The following PDE7B variants were observed in gnomAD, a reference collection of about 807,000 sequenced individuals.
PDE7B encodes 3',5'-cyclic-AMP phosphodiesterase 7B.
A neutral mutation model predicts 56.2 loss-of-function variants in PDE7B; 29 were observed. The observed-to-expected ratio is 0.52, with a 90% CI of 0.38 to 0.70. PDE7B has a LOEUF of 0.70. Ranked by LOEUF, PDE7B falls within the 30% of genes least tolerant of loss-of-function variation. PDE7B has a pLI of 0.00. For synonymous variants in PDE7B, 197 were observed against 196.9 expected (o/e 1.00, Z 0.00); for missense variants, 490 against 565.0 (o/e 0.87, Z 1.35).
rs930937694 is a variant in PDE7B, at chr6:136,028,865, C to T, written c.83-79866C>T. Reference sequence around the variant, plus strand: ...TGTAACCTAACATATTCACAGGTTCCGAGGACTAGGATGTGGGCACCTTTG... The same window carrying T: ...TGTAACCTAACATATTCACAGGTTCTGAGGACTAGGATGTGGGCACCTTTG... On this transcript the variant is annotated intron_variant, in intron 2 of 12. Transcript: ENST00000308191. 9.9e-5 allele frequency among the ~76,000 whole-genome samples: 15 copies of T among 152,140 alleles called. No homozygotes were observed. In the South Asian group the frequency reaches 1.9e-3, roughly 19 times the overall value.
Position 135,906,253 on chromosome 6 carries a change from C to T in PDE7B, c.22-41211C>T, listed in dbSNP as rs141408417. ...GAGAACTTATTGTATAAATGGTTAA[C>T]GAGAAAGCCAGAATGATTTGTGATA... On this transcript the variant is annotated intron_variant, in intron 1 of 12. Coordinates refer to ENST00000308191, the MANE Select transcript of PDE7B (RefSeq NM_018945.4). Among the ~76,000 whole-genome samples, 20 of 152,150 alleles carry T rather than the reference C, an allele frequency of 1.3e-4. 2 individuals are homozygous for T. The highest frequency in any genetic ancestry group is 5.8e-4 in the East Asian group (3 of 5,178).
intron 3 of PDE7B, among the ~76,000 whole-genome samples, chr6:136,134,024 A>G (rs550075394): frequency 1.3e-5 from 2 of 152,288 alleles, no homozygotes; most frequent in South Asian, 4.1e-4. Context: ...GTCAGAATAA[A>G]TAATATAAAT....
intron 1 of PDE7B, among the ~76,000 whole-genome samples, chr6:135,898,975 C>A (rs1775949893): frequency 2.6e-5 from 4 of 152,030 alleles, no homozygotes; most frequent in Admixed American, 2.0e-4. Flanking sequence ...AGGGGGGCGC[C>A]AGGTGGAGAT....
At chr6:135,905,701 A>G (rs918278436) in intron 1 of PDE7B, among the ~76,000 whole-genome samples, 1 of 152,128 alleles carries the variant, frequency 6.6e-6, no homozygotes, top group Non-Finnish European at 1.5e-5. Flanking sequence ...CCGTCTTGCC[A>G]TGTTTCTCTT....
chr6:135,902,112 T>A (rs1245422816), intron 1 of PDE7B, among the ~76,000 whole-genome samples: 1 of 152,166 alleles, frequency 6.6e-6, no homozygotes, highest in Non-Finnish European at 1.5e-5. Context: ...CTCTCAGAAT[T>A]TTATAGTTGT....
chr6:135,912,880 TCA>T (rs1416796051), intron 1 of PDE7B, among the ~76,000 whole-genome samples: 2 of 152,152 alleles, frequency 1.3e-5, no homozygotes, highest in Non-Finnish European at 2.9e-5. Context: ...TTGCCCAAGA[TCA>T]CACAGTCGGT....
chr6:136,030,463 T>C (rs1420851870), intron 2 of PDE7B, among the ~76,000 whole-genome samples: 3 of 152,230 alleles, frequency 2.0e-5, no homozygotes, highest in Admixed American at 1.3e-4. Context: ...TGTGTGTGTG[T>C]GCATGTGTTG....
intron 1 of PDE7B, among the ~76,000 whole-genome samples, chr6:135,934,786 A>G (rs1358583235): frequency 8.3e-6 from 1 of 120,590 alleles, no homozygotes; most frequent in African/African-American, 3.3e-5. Flanking sequence ...TTTATTATAT[A>G]TATATTTTAA....
At chr6:135,996,693 T>A (rs1050003359) in intron 2 of PDE7B, among the ~76,000 whole-genome samples, 1 of 152,252 alleles carries the variant, frequency 6.6e-6, no homozygotes, top group African/African-American at 2.4e-5. Flanking sequence ...TATGTTCATT[T>A]GGTCCAACTG....
intron 1 of PDE7B, among the ~76,000 whole-genome samples, chr6:135,876,557 T>C (rs1341991885): frequency 1.3e-5 from 2 of 152,166 alleles, no homozygotes; most frequent in Non-Finnish European, 2.9e-5. Context: ...TCGATAGATA[T>C]GTTCAATATC....
In PDE7B at chr6:135,890,674, G is replaced by A. The variant is rs1346111119; in HGVS notation, c.21+38655G>A. 2.0e-5 allele frequency among the ~76,000 whole-genome samples: 3 copies of A among 152,186 alleles called. No homozygotes were observed. In the South Asian group the frequency reaches 6.2e-4, roughly 31 times the overall value. ...AAGAATGTGGCAAGAGATCAAAAGA[G>A]GCAGTCACTATAAACTCACCTATTT... On this transcript the variant is annotated intron_variant, in intron 1 of 12. Transcript: ENST00000308191.
At chr6:135,916,780 A>C (rs1385494971) in intron 1 of PDE7B, among the ~76,000 whole-genome samples, 1 of 151,864 alleles carries the variant, frequency 6.6e-6, no homozygotes, top group Non-Finnish European at 1.5e-5. Context: ...TTCTACATAC[A>C]ATTTCATTGT....
rs1415974758 is a variant in PDE7B at position 136,019,552 on chromosome 6, A to G, written c.82+72028A>G. ...CTCCATGGTTTGAAATATTTTGTCT[A>G]CAGAACTGCATTAACTTGGCAATAC... On this transcript the variant is annotated intron_variant, in intron 2 of 12. Transcript: ENST00000308191. Among the ~76,000 whole-genome samples the G allele has an allele frequency of 4.6e-5, 7 of 152,164 alleles. No homozygotes were observed. The East Asian group carries it at 7.7e-4, about 17-fold the overall frequency.
At chr6:136,075,339 A>T (rs901738813) in intron 2 of PDE7B, among the ~76,000 whole-genome samples, 1 of 152,206 alleles carries the variant, frequency 6.6e-6, no homozygotes. Context: ...AGCGTCCCCA[A>T]CCCACTGCAG....
chr6:136,006,702 C>G (rs752121095), intron 2 of PDE7B, among the ~76,000 whole-genome samples: 1 of 152,102 alleles, frequency 6.6e-6, no homozygotes, highest in Non-Finnish European at 1.5e-5. Context: ...CCTAATTTGG[C>G]TCTCAGCTTA....
At chr6:135,892,852 T>A (rs1011934143) in intron 1 of PDE7B, among the ~76,000 whole-genome samples, 1 of 152,188 alleles carries the variant, frequency 6.6e-6, no homozygotes, top group Admixed American at 6.5e-5. Flanking sequence ...GTATTTGCAA[T>A]GGACCAAGCT....
intron 2 of PDE7B, among the ~76,000 whole-genome samples, chr6:136,084,089 C>G: frequency 6.6e-6 from 1 of 152,166 alleles, no homozygotes; most frequent in Middle Eastern, 3.2e-3. Context: ...TAACTACCAA[C>G]TGGGACATTG....
intron 3 of PDE7B, among the ~76,000 whole-genome samples, chr6:136,146,423 A>G (rs1450364822): frequency 6.6e-6 from 1 of 152,258 alleles, no homozygotes; most frequent in Admixed American, 6.5e-5. Flanking sequence ...TGAAATGAGT[A>G]TTAAAATATC....
intron 1 of PDE7B, among the ~76,000 whole-genome samples, chr6:135,913,711 A>G (rs145847171): frequency 9.8e-5 from 15 of 152,346 alleles, no homozygotes; most frequent in African/African-American, 3.6e-4. Context: ...TTTCTTTAAT[A>G]AAACCCTAGT....
Sources: allele counts gnomAD v4.1 joint callset (sites outside exome capture counted in the v4.1 genomes callset), GRCh38; gene constraint gnomAD v4.1.1; transcripts MANE v1.5; gene names NCBI Gene and HGNC (gene_info 2026-07-23, HGNC 2026-07-21).